EIF3K: variants seen among roughly 807,000 people sequenced by gnomAD.
EIF3K encodes the protein eukaryotic translation initiation factor 3 subunit K.
In EIF3K, 27 loss-of-function variants were observed where a neutral mutation model predicts 34.2. That is an observed-to-expected ratio of 0.79 (90% CI 0.58 to 1.09). The LOEUF (loss-of-function observed/expected upper bound fraction) is 1.09, where lower values mean the gene tolerates loss of function less well. Among genes scored for constraint, EIF3K ranks in the 50% least tolerant of loss-of-function variants. EIF3K has a pLI of 0.00. For missense variants in EIF3K, 232 were observed against 275.4 expected (o/e 0.84, Z 1.11); for synonymous variants, 105 against 105.7 (o/e 0.99, Z 0.04).
At chr19:38,623,239 C>T (rs550164044) in intron 2 of EIF3K, among the ~76,000 whole-genome samples, 56 of 152,356 alleles carry the variant, frequency 3.7e-4, no homozygotes, top group African/African-American at 1.2e-3. Context: ...TCCATAAAAT[C>T]TTCACAATCC....
intron 2 of EIF3K, among the ~76,000 whole-genome samples, chr19:38,623,594 C>A (rs1975887650): frequency 6.6e-6 from 1 of 151,972 alleles, no homozygotes; most frequent in African/African-American, 2.4e-5. Flanking sequence ...CTTGAGCCAC[C>A]CACCTACCCA....
intron 4 of EIF3K, among the ~76,000 whole-genome samples, chr19:38,629,773 G>C (rs1976022379): frequency 6.6e-6 from 1 of 152,192 alleles, no homozygotes; most frequent in African/African-American, 2.4e-5. Context: ...AGGTAGGCGG[G>C]TGTCTGGCGG....
At chr19:38,627,272 C>T (rs569815286) in intron 4 of EIF3K, among the ~76,000 whole-genome samples, 3 of 152,134 alleles carry the variant, frequency 2.0e-5, no homozygotes, top group East Asian at 3.9e-4. Flanking sequence ...AGGCGTGAAC[C>T]ACCACGCCGG....
intron 4 of EIF3K, among the ~76,000 whole-genome samples, chr19:38,630,328 A>T (rs1294830631): frequency 6.8e-6 from 1 of 145,988 alleles, no homozygotes; most frequent in African/African-American, 2.5e-5. Flanking sequence ...ACCCGGTTTA[A>T]TTATTTATTT....
intron 6 of EIF3K, among the ~76,000 whole-genome samples, chr19:38,634,090 C>CTTTTTTT (rs757394196): frequency 2.3e-5 from 2 of 86,036 alleles, no homozygotes; most frequent in Non-Finnish European, 4.4e-5. Context: ...TAAAAGCTAA[C>CTTTTTTT]TTTTTTTTTT....
intron 6 of EIF3K, 23 bp from the exon 7 acceptor site, chr19:38,634,970 C>T: frequency 1.2e-6 from 2 of 1,613,904 alleles, no homozygotes; most frequent in Non-Finnish European, 1.7e-6. Context: ...ACTGAAGCCC[C>T]TTGCTGCCCC....
chr19:38,620,333 T>A lies in EIF3K; in HGVS notation c.60-4T>A, dbSNP rs1975811604. The stretch of plus-strand genomic sequence containing the variant: ...TGTGCTCACCTATCTTGATTCTCCT[T>A]TAGGTACAATCCTGAGAACCTGGCC... On this transcript the variant is annotated splice_region_variant and splice_polypyrimidine_tract_variant and intron_variant, in intron 1 of 7. Transcript: ENST00000248342. 2.5e-6 allele frequency: 4 copies of A among 1,613,504 alleles called. No homozygotes were observed. The East Asian group carries it at 6.7e-5, about 27-fold the overall frequency.
At chr19:38,625,876 T>C in intron 3 of EIF3K, 152 bp from the exon 4 acceptor site, 1 of 735,740 alleles carries the variant, frequency 1.4e-6, no homozygotes, top group East Asian at 2.5e-5. Flanking sequence ...TGCATACACC[T>C]GCAGGAGAAA....
chr19:38,631,257 G>A (rs1261938266), intron 4 of EIF3K, among the ~76,000 whole-genome samples: 3 of 152,184 alleles, frequency 2.0e-5, no homozygotes, highest in Non-Finnish European at 4.4e-5. Flanking sequence ...CCAGGGGACC[G>A]CGTTCAGCAC....
At chr19:38,632,523 C>T (rs368524513) in intron 5 of EIF3K, 27 bp downstream of exon 5, 1 of 1,613,914 alleles carries the variant, frequency 6.2e-7, no homozygotes, top group Non-Finnish European at 8.5e-7. Flanking sequence ...GGCTGGGCTC[C>T]CCAAGGGGAA....
At chr19:38,633,064 C>A (rs986646942) in intron 6 of EIF3K, among the ~76,000 whole-genome samples, 2 of 152,198 alleles carry the variant, frequency 1.3e-5, no homozygotes, top group African/African-American at 4.8e-5. Flanking sequence ...TGAGCCCTTA[C>A]CTCCGTAGAG....
At chr19:38,632,139 G>C in intron 4 of EIF3K, 1 of 372,414 alleles carries the variant, frequency 2.7e-6, no homozygotes, top group Non-Finnish European at 5.0e-6. Flanking sequence ...GTGTAGGCTG[G>C]GAGTGGTGGC....
chr19:38,625,064 T>A (rs776326288), intron 3 of EIF3K, among the ~76,000 whole-genome samples: 11 of 152,174 alleles, frequency 7.2e-5, no homozygotes, highest in Middle Eastern at 3.4e-3. Flanking sequence ...ACTCATGGGC[T>A]AAAGGAAGCA....
rs1319996632 is a variant in EIF3K at position 38,635,040 on chromosome 19, G to A, written c.547G>A (p.Glu183Lys). The A allele has an allele frequency of 4.3e-6, 7 of 1,614,160 alleles. No homozygotes were observed. In the East Asian group the frequency reaches 6.7e-5, roughly 15 times the overall value. The change falls in exon 7 of 8, where the codon GAG (glutamate) becomes AAG (lysine). Residue 183 changes from glutamate (E) to lysine (K), a missense_variant. Transcript: ENST00000248342. ...GAGCAAATACGGCTGGAGTGCCGACGAGTCGGGGCAGATCTTCATCTGTAG... is the reference window on the plus strand; with the variant it reads ...GAGCAAATACGGCTGGAGTGCCGACAAGTCGGGGCAGATCTTCATCTGTAG... ...WMSKYGWSAD[E>K]SGQIFICSQE...
chr19:38,626,586 C>T (rs1028953449), intron 4 of EIF3K, among the ~76,000 whole-genome samples: 1 of 152,152 alleles, frequency 6.6e-6, no homozygotes, highest in Non-Finnish European at 1.5e-5. Context: ...GCGAGTGAGC[C>T]GTGATCACAC....
intron 4 of EIF3K, among the ~76,000 whole-genome samples, chr19:38,629,771 G>C (rs996143673): frequency 2.3e-4 from 35 of 152,174 alleles, no homozygotes; most frequent in Non-Finnish European, 4.4e-4. Context: ...TGAGGTAGGC[G>C]GGTGTCTGGC....
At chr19:38,634,729 A>G (rs1976151374) in intron 6 of EIF3K, among the ~76,000 whole-genome samples, 1 of 152,196 alleles carries the variant, frequency 6.6e-6, no homozygotes, top group South Asian at 2.1e-4. Flanking sequence ...CAGGGAGAGA[A>G]AACAGAGGAA....
chr19:38,635,309 T>C, intron 7 of EIF3K, 191 bp downstream of exon 7: 2 of 777,886 alleles, frequency 2.6e-6, no homozygotes, highest in Non-Finnish European at 4.1e-6. Context: ...CTGGGTGATC[T>C]TCCCTGGAAC....
chr19:38,624,328 G>A, intron 3 of EIF3K, 131 bp downstream of exon 3: 1 of 1,343,310 alleles, frequency 7.4e-7, no homozygotes, highest in South Asian at 1.4e-5. Flanking sequence ...GCGTGGCAAG[G>A]TGCTGGACAG....
Sources: allele counts gnomAD v4.1 joint callset (sites outside exome capture counted in the v4.1 genomes callset), GRCh38; gene constraint gnomAD v4.1.1; transcripts MANE v1.5; gene names NCBI Gene and HGNC (gene_info 2026-07-23, HGNC 2026-07-21).